Variants in SNX3 observed in about 807,000 individuals in gnomAD.
SNX3 encodes sorting nexin 3.
SNX3 carries 5 observed loss-of-function variants against 17.7 expected under a neutral mutation model. The ratio of observed to expected loss-of-function variants is 0.28; its 90% confidence interval spans 0.15 to 0.59. SNX3 has a LOEUF of 0.59. Among genes scored for constraint, SNX3 ranks in the 20% least tolerant of loss-of-function variants. The pLI is 0.88. For synonymous variants in SNX3, 91 were observed against 76.5 expected (o/e 1.19, Z -0.99); for missense variants, 132 against 206.8 (o/e 0.64, Z 2.22).
rs1386338903 is a variant in SNX3, at chr6:108,231,373, C to G, written c.163-8328G>C. 5.3e-5 allele frequency among the ~76,000 whole-genome samples: 8 copies of G among 152,250 alleles called. 1 individual carries two copies. Among genetic ancestry groups the G allele is most frequent in the Admixed American group, 2.6e-4 (4 of 15,284 alleles). ...GTGCTGAGATTACTGGCATGAGCCA[C>G]TGCACTCAGCCCTCTGGTTGTTTCT... On this transcript the variant is annotated intron_variant, in intron 1 of 3. Transcript: ENST00000230085.
At chr6:108,232,576 T>C (rs561440810) in intron 1 of SNX3, among the ~76,000 whole-genome samples, 14 of 152,148 alleles carry the variant, frequency 9.2e-5, no homozygotes, top group Admixed American at 9.2e-4. Context: ...AGCTTAACAA[T>C]AGATATTAGA....
intron 1 of SNX3, among the ~76,000 whole-genome samples, chr6:108,236,378 A>ATTTTT (rs1184591793): frequency 6.7e-5 from 9 of 133,432 alleles, no homozygotes; most frequent in African/African-American, 1.1e-4. Context: ...TATTATTATT[A>ATTTTT]TTTTTTTTTT....
At chr6:108,257,835 G>T (rs772520269) in intron 1 of SNX3, among the ~76,000 whole-genome samples, 33 of 151,324 alleles carry the variant, frequency 2.2e-4, no homozygotes, top group Non-Finnish European at 4.4e-4. Context: ...GTGGTGGCGC[G>T]TGCCTGTAGT....
At chr6:108,218,597 C>T (rs1320325078) in intron 2 of SNX3, among the ~76,000 whole-genome samples, 1 of 151,938 alleles carries the variant, frequency 6.6e-6, no homozygotes, top group Non-Finnish European at 1.5e-5. Flanking sequence ...CCAATAACAG[C>T]CAAAAAGTAG....
intron 1 of SNX3, among the ~76,000 whole-genome samples, chr6:108,253,162 T>G (rs779375407): frequency 6.6e-6 from 1 of 152,230 alleles, no homozygotes. Context: ...CTATTGCATG[T>G]GATCACCAGG....
chr6:108,236,236 G>A (rs944511478), intron 1 of SNX3, among the ~76,000 whole-genome samples: 11 of 151,660 alleles, frequency 7.3e-5, no homozygotes, highest in Admixed American at 6.6e-4. Flanking sequence ...GTAATCCCAG[G>A]ACTTTGGGAG....
intron 1 of SNX3, among the ~76,000 whole-genome samples, chr6:108,224,827 A>ATT (rs1491172184): frequency 6.6e-6 from 1 of 152,220 alleles, no homozygotes; most frequent in Non-Finnish European, 1.5e-5. Context: ...AACTGAAAAC[A>ATT]TAACACCCAG....
intron 1 of SNX3, among the ~76,000 whole-genome samples, chr6:108,249,372 A>G (rs1483433778): frequency 6.6e-6 from 1 of 152,178 alleles, no homozygotes; most frequent in Non-Finnish European, 1.5e-5. Flanking sequence ...CAGTGAGCCG[A>G]GATCGCACCA....
chr6:108,232,143 T>C (rs1016335711), intron 1 of SNX3, among the ~76,000 whole-genome samples: 7 of 152,216 alleles, frequency 4.6e-5, no homozygotes, highest in African/African-American at 1.7e-4. Flanking sequence ...AATTGTTCAA[T>C]GTTATTTTGT....
chr6:108,225,586 C>T (rs965909861), intron 1 of SNX3, among the ~76,000 whole-genome samples: 8 of 151,962 alleles, frequency 5.3e-5, no homozygotes, highest in South Asian at 2.1e-4. Flanking sequence ...AGCCGAAGAT[C>T]GCTCCACTGC....
chr6:108,260,460 C>A (rs1310527644), intron 1 of SNX3, among the ~76,000 whole-genome samples: 3 of 152,260 alleles, frequency 2.0e-5, no homozygotes, highest in African/African-American at 7.2e-5. Flanking sequence ...CTCGAAAGAT[C>A]TACCCCTTTC....
intron 1 of SNX3, among the ~76,000 whole-genome samples, chr6:108,223,647 G>A (rs1368100771): frequency 6.6e-6 from 1 of 151,446 alleles, no homozygotes; most frequent in African/African-American, 2.4e-5. Flanking sequence ...ACAGGCACTC[G>A]CCACCAGGCC....
At chr6:108,242,520 C>T (rs566152718) in intron 1 of SNX3, among the ~76,000 whole-genome samples, 1 of 152,258 alleles carries the variant, frequency 6.6e-6, no homozygotes, top group East Asian at 1.9e-4. Context: ...ATTCAGAGCG[C>T]TCAAAGAAAA....
intron 2 of SNX3, among the ~76,000 whole-genome samples, chr6:108,221,476 T>C (rs937581435): frequency 9.4e-5 from 14 of 148,208 alleles, no homozygotes; most frequent in Admixed American, 8.2e-4. Flanking sequence ...AAAAAAATCT[T>C]CAACAGTAAA....
chr6:108,233,673 C>T (rs748450135), intron 1 of SNX3, among the ~76,000 whole-genome samples: 18 of 152,076 alleles, frequency 1.2e-4, no homozygotes, highest in Non-Finnish European at 2.4e-4. Context: ...CGCTTGAGCC[C>T]GGGAGGCGGA....
intron 1 of SNX3, among the ~76,000 whole-genome samples, chr6:108,229,776 A>G (rs1348831114): frequency 2.6e-5 from 4 of 152,352 alleles, no homozygotes; most frequent in East Asian, 3.9e-4. Flanking sequence ...TATTTAGTAT[A>G]TAATTCTTGA....
intron 1 of SNX3, among the ~76,000 whole-genome samples, chr6:108,224,515 C>T (rs1774917955): frequency 1.3e-5 from 2 of 152,010 alleles, no homozygotes; most frequent in South Asian, 2.1e-4. Context: ...CTCCTGACCG[C>T]GTGATCTGCC....
rs115699769 is a variant in SNX3, at chr6:108,255,554, G to A, written c.162+5206C>T. On this transcript the variant is annotated intron_variant, in intron 1 of 3. Transcript: ENST00000230085. ...TTTTGTAGGGACAGGGTCTCACTGC[G>A]TTGCCCAGGCTGTGTGGCAACGCCT... is the stretch of plus-strand genomic sequence containing the variant. Among the ~76,000 whole-genome samples, 336 of 152,212 alleles carry A rather than the reference G, an allele frequency of 2.2e-3. 2 individuals carry two copies. Among genetic ancestry groups the A allele is most frequent in the African/African-American group, 7.8e-3 (325 of 41,524 alleles).
intron 1 of SNX3, among the ~76,000 whole-genome samples, chr6:108,233,211 C>T (rs1158067650): frequency 1.3e-5 from 2 of 152,176 alleles, no homozygotes; most frequent in African/African-American, 4.8e-5. Flanking sequence ...AGAGCTCACA[C>T]AAGGTTTTCA....
Sources: gnomAD v4.1 joint callset for allele counts (sites outside exome capture counted in the v4.1 genomes callset) on GRCh38, gnomAD v4.1.1 for gene constraint, MANE v1.5 for transcripts, NCBI Gene and HGNC (gene_info 2026-07-23, HGNC 2026-07-21) for gene names.